MBOAT1: variants seen among roughly 807,000 people sequenced by gnomAD.
MBOAT1 encodes membrane-bound glycerophospholipid O-acyltransferase 1.
A neutral mutation model predicts 64.4 loss-of-function variants in MBOAT1; 67 were observed. The observed-to-expected ratio is 1.04, with a 90% confidence interval of 0.85 to 1.27. The LOEUF (loss-of-function observed/expected upper bound fraction) is 1.27, where lower values mean the gene tolerates loss of function less well. Among genes scored for constraint, MBOAT1 ranks in the 50% most tolerant of loss-of-function variants. The pLI, the probability that MBOAT1 is intolerant of heterozygous loss-of-function variation, is 0.00. For missense variants in MBOAT1, 563 were observed against 604.6 expected, an observed-to-expected ratio of 0.93 and a Z score of 0.72; for synonymous variants, 229 against 218.9, an observed-to-expected ratio of 1.05 and a Z score of -0.41.
intron 8 of MBOAT1, 80 bp downstream of exon 8, chr6:20,124,328 T>C: frequency 7.0e-7 from 1 of 1,434,992 alleles, no homozygotes; most frequent in Non-Finnish European, 9.5e-7. Context: ...GATGAAGTGA[T>C]CCAAAACGTC....
intron 4 of MBOAT1, among the ~76,000 whole-genome samples, chr6:20,141,082 G>A (rs1489399401): frequency 6.6e-6 from 1 of 152,094 alleles, no homozygotes; most frequent in East Asian, 1.9e-4. Flanking sequence ...ATGGCAACCA[G>A]GGAAGCTTTT....
chr6:20,183,879 G>A (rs961389252), intron 1 of MBOAT1, among the ~76,000 whole-genome samples: 5 of 152,182 alleles, frequency 3.3e-5, no homozygotes, highest in African/African-American at 9.7e-5. Flanking sequence ...GGCAGGAGGC[G>A]AAAGGCACTT....
rs1209090738 is a variant in MBOAT1, at chr6:20,152,627, C to T, written c.242G>A (p.Gly81Asp). 1.2e-6 allele frequency: 2 copies of T among 1,608,338 alleles called. No homozygotes were observed. The highest frequency in any genetic ancestry group is 1.1e-5 in the South Asian group (1 of 90,306). Reference sequence around the variant, plus strand: ...AATATATGAGGCTCATACTCACCAGCCGAAACAAAAGATGACAAAATAGAT... The same window carrying T: ...AATATATGAGGCTCATACTCACCAGTCGAAACAAAAGATGACAAAATAGAT... ...FGIYFVIFCFGWYSVHLFVLV... is the reference protein window; with the variant it reads ...FGIYFVIFCFDWYSVHLFVLV... Residue 81 changes from glycine (G) to aspartate (D), a missense_variant, in exon 2 of 13, where the codon GGC becomes GAC. Gly to Asp is a moderately conservative substitution (Grantham distance 94). Transcript: ENST00000324607.
intron 5 of MBOAT1, among the ~76,000 whole-genome samples, chr6:20,130,701 CA>C (rs753257631): frequency 1.7e-4 from 24 of 137,788 alleles, no homozygotes; most frequent in Non-Finnish European, 1.8e-4. Context: ...TTTTCCAAGC[CA>C]AAAAAAAAAA....
At chr6:20,109,083 C>T (rs1010727006) in intron 12 of MBOAT1, among the ~76,000 whole-genome samples, 1 of 152,192 alleles carries the variant, frequency 6.6e-6, no homozygotes, top group African/African-American at 2.4e-5. Context: ...CCTCCTCCAG[C>T]CTCAATTCCA....
chr6:20,191,947 G>T (rs916194550), intron 1 of MBOAT1, among the ~76,000 whole-genome samples: 1 of 152,098 alleles, frequency 6.6e-6, no homozygotes, highest in Admixed American at 6.5e-5. Context: ...CTTTACATTG[G>T]AAGAGACAGA....
At chr6:20,205,608 T>C (rs1258552940) in intron 1 of MBOAT1, among the ~76,000 whole-genome samples, 1 of 152,114 alleles carries the variant, frequency 6.6e-6, no homozygotes, top group Non-Finnish European at 1.5e-5. Context: ...TCCCCCAGCA[T>C]GGAGACCGCC....
chr6:20,206,716 C>T (rs1763277855), intron 1 of MBOAT1, among the ~76,000 whole-genome samples: 1 of 152,122 alleles, frequency 6.6e-6, no homozygotes, highest in African/African-American at 2.4e-5. Context: ...ACCGCAACTC[C>T]CCAAATTCAC....
intron 4 of MBOAT1, among the ~76,000 whole-genome samples, chr6:20,135,638 A>C (rs913743974): frequency 6.6e-6 from 1 of 152,206 alleles, no homozygotes; most frequent in Non-Finnish European, 1.5e-5. Context: ...TGGTGTCGGA[A>C]GAGCCAACCA....
At chr6:20,159,725 A>G (rs574391219) in intron 1 of MBOAT1, among the ~76,000 whole-genome samples, 1 of 152,328 alleles carries the variant, frequency 6.6e-6, no homozygotes, top group South Asian at 2.1e-4. Flanking sequence ...TCCTTCCACA[A>G]TATACATATG....
intron 1 of MBOAT1, among the ~76,000 whole-genome samples, chr6:20,185,160 GGATTGCTT>G (rs556656541): frequency 2.1e-3 from 317 of 152,140 alleles, no homozygotes; most frequent in Middle Eastern, 3.4e-3. Context: ...TGAGGTGGGA[GGATTGCTT>G]GAGCCCAGGG....
intron 3 of MBOAT1, among the ~76,000 whole-genome samples, chr6:20,147,918 A>G (rs2113686727): frequency 6.6e-6 from 1 of 152,374 alleles, no homozygotes; most frequent in South Asian, 2.1e-4. Flanking sequence ...GACTTGGCAC[A>G]AAGGACAGAC....
At chr6:20,157,748 A>G (rs1303237907) in intron 1 of MBOAT1, among the ~76,000 whole-genome samples, 1 of 152,160 alleles carries the variant, frequency 6.6e-6, no homozygotes, top group Non-Finnish European at 1.5e-5. Context: ...GTAAAAAAAA[A>G]AACTCATCTT....
chr6:20,125,021 A>G (rs1321340357), intron 7 of MBOAT1, among the ~76,000 whole-genome samples: 1 of 152,202 alleles, frequency 6.6e-6, no homozygotes, highest in Non-Finnish European at 1.5e-5. Flanking sequence ...AGTAGGGAAG[A>G]CAGAGGCTCA....
chr6:20,207,379 G>A (rs571410623), intron 1 of MBOAT1, among the ~76,000 whole-genome samples: 10 of 152,204 alleles, frequency 6.6e-5, no homozygotes, highest in South Asian at 2.1e-4. Flanking sequence ...AGAATCACTC[G>A]GGAAGTACCC....
At chr6:20,139,546 CTTTTTTTTTTTTTT>C (rs70990010) in intron 4 of MBOAT1, among the ~76,000 whole-genome samples, 1 of 69,186 alleles carries the variant, frequency 1.4e-5, no homozygotes, top group Non-Finnish European at 2.6e-5. Context: ...ACATTTTAAC[CTTTTTTTTTTTTTT>C]TTTTTTTTTT....
In MBOAT1 at chr6:20,119,127, A is replaced by T. The variant is rs535938741; in HGVS notation, c.908-587T>A. On this transcript the variant is annotated intron_variant, in intron 8 of 12. Coordinates refer to ENST00000324607, the MANE Select transcript of MBOAT1 (RefSeq NM_001080480.3). ...GAGCTGCCAAGATGGGGTTAAAAAAAGTTTAGGTCCCAAGACAAAGGACAG... is the reference window on the plus strand; with the variant it reads ...GAGCTGCCAAGATGGGGTTAAAAAATGTTTAGGTCCCAAGACAAAGGACAG... 3.3e-5 allele frequency among the ~76,000 whole-genome samples: 5 copies of T among 152,326 alleles called. No homozygotes were observed. In the East Asian group the frequency reaches 9.7e-4, roughly 29 times the overall value.
intron 3 of MBOAT1, among the ~76,000 whole-genome samples, chr6:20,148,319 A>G (rs1177399866): frequency 1.3e-5 from 2 of 152,210 alleles, no homozygotes; most frequent in Non-Finnish European, 2.9e-5. Flanking sequence ...TGGGAGGCTG[A>G]GGCAGGAGAA....
intron 1 of MBOAT1, among the ~76,000 whole-genome samples, chr6:20,153,076 C>T (rs1359899093): frequency 6.6e-6 from 1 of 152,168 alleles, no homozygotes; most frequent in Admixed American, 6.5e-5. Context: ...CCTCCTGATC[C>T]GCCTGCCTCG....
Sources: gnomAD v4.1 joint callset for allele counts (sites outside exome capture counted in the v4.1 genomes callset) on GRCh38, gnomAD v4.1.1 for gene constraint, MANE v1.5 for transcripts, NCBI Gene and HGNC (gene_info 2026-07-23, HGNC 2026-07-21) for gene names.